The following NPAS3 variants were observed in gnomAD, a reference collection of about 807,000 sequenced individuals.
The protein encoded by NPAS3 is neuronal PAS domain protein 3, also known as neuronal PAS domain-containing protein 3.
In NPAS3, 14 loss-of-function variants were observed where a neutral mutation model predicts 73.1. The ratio of observed to expected loss-of-function variants is 0.19; its 90% CI spans 0.13 to 0.30. The LOEUF (loss-of-function observed/expected upper bound fraction) is 0.30. Among genes scored for constraint, NPAS3 ranks in the 10% least tolerant of loss-of-function variants. The probability of loss-of-function intolerance (pLI) is 1.00; values close to 1 mark genes in which losing one functional copy is unlikely to be tolerated. For missense variants in NPAS3, 1,096 were observed against 1,250.0 expected (o/e 0.88, Z 1.86); for synonymous variants, 620 against 541.5 (o/e 1.14, Z -2.01).
chr14:33,412,766 A>G (rs539555546), intron 4 of NPAS3, among the ~76,000 whole-genome samples: 2 of 152,192 alleles, frequency 1.3e-5, no homozygotes, highest in East Asian at 1.9e-4. Context: ...ATGTAAAACT[A>G]TATCATACAG....
At chr14:33,689,531 G>C (rs960451161) in intron 6 of NPAS3, among the ~76,000 whole-genome samples, 1 of 152,096 alleles carries the variant, frequency 6.6e-6, no homozygotes, top group African/African-American at 2.4e-5. Flanking sequence ...CAGTGCTCCA[G>C]TTACCTCACT....
chr14:33,299,897 A>G (rs1191619707), intron 3 of NPAS3, among the ~76,000 whole-genome samples: 4 of 152,212 alleles, frequency 2.6e-5, no homozygotes, highest in African/African-American at 9.6e-5. Flanking sequence ...CTAAGCACCA[A>G]GCACATGTGT....
intron 1 of NPAS3, among the ~76,000 whole-genome samples, chr14:33,052,006 A>G (rs751334629): frequency 5.3e-5 from 8 of 152,028 alleles, no homozygotes; most frequent in Non-Finnish European, 8.8e-5. Flanking sequence ...TGATCCACCC[A>G]CCTTGGCTTC....
At chr14:33,541,188 A>C (rs1468241491) in intron 4 of NPAS3, among the ~76,000 whole-genome samples, 1 of 151,906 alleles carries the variant, frequency 6.6e-6, no homozygotes, top group African/African-American at 2.4e-5. Context: ...TTCTAAGTGC[A>C]GCACTTGATA....
chr14:32,989,817 A>C (rs1480910354), intron 1 of NPAS3, among the ~76,000 whole-genome samples: 1 of 152,354 alleles, frequency 6.6e-6, no homozygotes, highest in Middle Eastern at 3.4e-3. Flanking sequence ...TGAATTTCAG[A>C]AAGATGACTC....
intron 6 of NPAS3, among the ~76,000 whole-genome samples, chr14:33,687,844 T>C (rs1020388400): frequency 6.6e-5 from 10 of 152,154 alleles, no homozygotes; most frequent in Non-Finnish European, 1.5e-4. Context: ...ATGTCTCTGC[T>C]CTCCCAGAAC....
chr14:33,288,392 G>C (rs2041964102), intron 3 of NPAS3, among the ~76,000 whole-genome samples: 1 of 152,100 alleles, frequency 6.6e-6, no homozygotes, highest in South Asian at 2.1e-4. Context: ...GTCCCCATCT[G>C]ATCTAGGTTA....
At chr14:33,536,495 C>A (rs1395611475) in intron 4 of NPAS3, among the ~76,000 whole-genome samples, 1 of 152,078 alleles carries the variant, frequency 6.6e-6, no homozygotes, top group African/African-American at 2.4e-5. Context: ...TGTTATAACA[C>A]TGGAGTCAGA....
chr14:33,007,795 G>A (rs898801077), intron 1 of NPAS3, among the ~76,000 whole-genome samples: 1 of 152,184 alleles, frequency 6.6e-6, no homozygotes, highest in African/African-American at 2.4e-5. Context: ...GGGCCATATG[G>A]TCTCTGTCAC....
rs114789884 is a variant in NPAS3 at position 33,783,869 on chromosome 14, C to T, written c.1153+5297C>T. 2.4e-3 allele frequency among the ~76,000 whole-genome samples: 368 copies of T among 152,234 alleles called. 1 individual carries two copies. Among genetic ancestry groups the T allele is most frequent in the African/African-American group, 8.4e-3 (351 of 41,550 alleles). ...CATGTGAAAGCTTGAAAAGTACAGA[C>T]CATACTAGTCTTTAGACGGCACTAT... On this transcript the variant is annotated intron_variant, in intron 9 of 11. Coordinates refer to ENST00000356141, the Ensembl canonical transcript of NPAS3.
chr14:33,758,856 C>T (rs907659862), intron 7 of NPAS3, among the ~76,000 whole-genome samples: 1 of 152,184 alleles, frequency 6.6e-6, no homozygotes, highest in Non-Finnish European at 1.5e-5. Context: ...AAGGTAATTT[C>T]CTGGTAACCC....
At chr14:33,062,242 C>A (rs1241150869) in intron 2 of NPAS3, among the ~76,000 whole-genome samples, 1 of 150,590 alleles carries the variant, frequency 6.6e-6, no homozygotes, top group Non-Finnish European at 1.5e-5. Context: ...ACTCTTGTAA[C>A]TTGCTTTGCA....
chr14:33,468,054 G>A (rs1007424352), intron 4 of NPAS3, among the ~76,000 whole-genome samples: 4 of 152,110 alleles, frequency 2.6e-5, no homozygotes, highest in Non-Finnish European at 5.9e-5. Context: ...GGGTCATCAT[G>A]CCCCCCAAGA....
intron 5 of NPAS3, among the ~76,000 whole-genome samples, chr14:33,645,081 C>CA (rs33988299): frequency 0.019 from 2,023 of 106,378 alleles, 49 homozygotes; most frequent in African/African-American, 0.058. Context: ...AACTCCATCT[C>CA]AAAAAAAAAA....
At chr14:32,942,453 G>A (rs1473516133) in intron 1 of NPAS3, among the ~76,000 whole-genome samples, 2 of 152,302 alleles carry the variant, frequency 1.3e-5, no homozygotes, top group South Asian at 2.1e-4. Context: ...TACATATACA[G>A]AAAGTGTCTC....
chr14:33,230,974 C>T (rs892840516), intron 3 of NPAS3, among the ~76,000 whole-genome samples: 1 of 152,188 alleles, frequency 6.6e-6, no homozygotes, highest in Non-Finnish European at 1.5e-5. Flanking sequence ...CATTATTTCA[C>T]TCTACCAATG....
At chr14:33,232,481 T>C (rs2139780486) in intron 3 of NPAS3, among the ~76,000 whole-genome samples, 1 of 152,320 alleles carries the variant, frequency 6.6e-6, no homozygotes, top group East Asian at 1.9e-4. Context: ...TTGCGCAGTG[T>C]TAAGTAGTGT....
chr14:33,643,982 G>A (rs1238369915), intron 5 of NPAS3, among the ~76,000 whole-genome samples: 6 of 151,794 alleles, frequency 4.0e-5, no homozygotes, highest in South Asian at 2.1e-4. Context: ...ATTTCCACTC[G>A]AGATACTTGA....
intron 4 of NPAS3, among the ~76,000 whole-genome samples, chr14:33,465,675 A>G (rs2050475102): frequency 2.0e-5 from 3 of 152,246 alleles, no homozygotes; most frequent in Non-Finnish European, 4.4e-5. Context: ...GCTATAGGAT[A>G]TAATATGCTT....
Sources: gnomAD v4.1 joint callset for allele counts (sites outside exome capture counted in the v4.1 genomes callset) on GRCh38, gnomAD v4.1.1 for gene constraint, MANE v1.5 for transcripts, NCBI Gene and HGNC (gene_info 2026-07-23, HGNC 2026-07-21) for gene names.